The following CPVL variants were observed in gnomAD, a reference collection of about 807,000 sequenced individuals.
The protein encoded by CPVL is probable serine carboxypeptidase CPVL.
Under a neutral mutation model 63.7 loss-of-function variants are expected in CPVL, and 51 were observed. That is an observed-to-expected ratio of 0.80 (90% CI 0.64 to 1.01). The LOEUF (loss-of-function observed/expected upper bound fraction) is 1.01. CPVL is among the 50% of genes least tolerant of loss of function. The pLI is 0.00. For synonymous variants in CPVL, 195 were observed against 206.0 expected, an observed-to-expected ratio of 0.95 and a Z score of 0.46; for missense variants, 530 against 573.1, an observed-to-expected ratio of 0.92 and a Z score of 0.77.
At chr7:29,032,601 A>C (rs1299221428) in intron 11 of CPVL, among the ~76,000 whole-genome samples, 1 of 152,224 alleles carries the variant, frequency 6.6e-6, no homozygotes, top group Non-Finnish European at 1.5e-5. Context: ...TTACTTCACC[A>C]TTCTACGAAG....
intron 4 of CPVL, 121 bp from the exon 5 acceptor site, chr7:29,095,263 C>T: frequency 2.6e-6 from 2 of 755,746 alleles, no homozygotes; most frequent in Non-Finnish European, 4.8e-6. Context: ...TACCCTCTAA[C>T]AGTGCTGCAC....
chr7:29,033,736 G>T (rs140005198), intron 11 of CPVL, among the ~76,000 whole-genome samples: 1 of 152,192 alleles, frequency 6.6e-6, no homozygotes, highest in African/African-American at 2.4e-5. Context: ...GGTCTCCAGC[G>T]ACGTACTAGG....
intron 1 of CPVL, among the ~76,000 whole-genome samples, chr7:29,188,636 C>T (rs1321635189): frequency 6.6e-6 from 1 of 151,892 alleles, no homozygotes; most frequent in African/African-American, 2.4e-5. Context: ...GGAGTGAAGG[C>T]AGAGGACATT....
intron 1 of CPVL, chr7:29,193,674 G>A (rs1397386416): frequency 2.0e-5 from 3 of 152,154 alleles, no homozygotes; most frequent in Non-Finnish European, 4.4e-5. Context: ...TTAAATACAG[G>A]GGGAAGGGAC....
intron 1 of CPVL, among the ~76,000 whole-genome samples, chr7:29,129,224 G>A (rs1485769192): frequency 6.6e-6 from 1 of 152,104 alleles, no homozygotes; most frequent in Non-Finnish European, 1.5e-5. Flanking sequence ...AATGAGAAAT[G>A]GTCAGCTACA....
chr7:29,049,865 A>G (rs1385583635), intron 11 of CPVL, among the ~76,000 whole-genome samples: 1 of 152,184 alleles, frequency 6.6e-6, no homozygotes, highest in Non-Finnish European at 1.5e-5. Context: ...GGTTTAACAT[A>G]CACAAATCAA....
intron 11 of CPVL, among the ~76,000 whole-genome samples, chr7:29,040,918 G>A (rs184814120): frequency 9.0e-4 from 137 of 152,124 alleles, no homozygotes; most frequent in Non-Finnish European, 1.5e-3. Flanking sequence ...ATGATCTTTG[G>A]AAAAAAGCTC....
chr7:29,149,645 C>T (rs896419294), upstream of CPVL, among the ~76,000 whole-genome samples: 1 of 152,148 alleles, frequency 6.6e-6, no homozygotes, highest in African/African-American at 2.4e-5. Context: ...GTTCTGGAGG[C>T]TACAAGTCTG....
intron 3 of CPVL, among the ~76,000 whole-genome samples, chr7:29,097,212 G>A (rs530143687): frequency 2.0e-5 from 3 of 149,918 alleles, no homozygotes; most frequent in South Asian, 2.1e-4. Flanking sequence ...GCTACTGGCC[G>A]TAGTGTCAAT....
Position 29,120,945 on chromosome 7 carries a change from T to C in CPVL, c.117A>G (p.Ser39=), listed in dbSNP as rs1308346822. ...RSVSMPPKGD[S]GQPLFLTPYI... Reference sequence around the variant, plus strand: ...AAGGGGTGAGAAATAATGGCTGTCCTGAGTCTCCCTTAGGTGGCATGGAAA... The same window carrying C: ...AAGGGGTGAGAAATAATGGCTGTCCCGAGTCTCCCTTAGGTGGCATGGAAA... The change falls in exon 2 of 13, where the codon TCA becomes TCG. Residue 39 remains serine, a synonymous_variant. Coordinates refer to ENST00000265394, the MANE Select transcript of CPVL (RefSeq NM_031311.5). 3 of 1,613,974 alleles carry C rather than the reference T, an allele frequency of 1.9e-6. No homozygotes were observed. Among genetic ancestry groups the C allele is most frequent in the Middle Eastern group, 1.6e-4 (1 of 6,062 alleles).
chr7:29,164,607 C>G (rs1795648745), intron 5 of CPVL, among the ~76,000 whole-genome samples: 1 of 151,612 alleles, frequency 6.6e-6, no homozygotes, highest in Non-Finnish European at 1.5e-5. Flanking sequence ...ATGGCAAAAC[C>G]CCATCTCTAC....
At chr7:29,185,174 T>C (rs1160698517) in intron 3 of CPVL, among the ~76,000 whole-genome samples, 2 of 152,214 alleles carry the variant, frequency 1.3e-5, no homozygotes, top group Non-Finnish European at 2.9e-5. Flanking sequence ...GAAAATCCCA[T>C]TTCTAATCTT....
intron 1 of CPVL, among the ~76,000 whole-genome samples, chr7:29,143,199 T>A (rs926615513): frequency 6.6e-6 from 1 of 152,262 alleles, no homozygotes; most frequent in Non-Finnish European, 1.5e-5. Context: ...CAAAGTTACA[T>A]GATTCCTTCA....
chr7:29,119,406 G>C (rs1053932339), intron 2 of CPVL, among the ~76,000 whole-genome samples: 1 of 148,126 alleles, frequency 6.8e-6, no homozygotes, highest in Non-Finnish European at 1.5e-5. Flanking sequence ...AGAATCGCTT[G>C]AACGCAGGAG....
At chr7:29,130,676 A>C (rs1208202695) in intron 1 of CPVL, among the ~76,000 whole-genome samples, 1 of 152,194 alleles carries the variant, frequency 6.6e-6, no homozygotes, top group Admixed American at 6.5e-5. Context: ...CTGGAATCTG[A>C]AGCCATATCT....
chr7:29,133,774 ATT>A (rs779866486), intron 1 of CPVL, among the ~76,000 whole-genome samples: 2 of 152,340 alleles, frequency 1.3e-5, no homozygotes, highest in East Asian at 3.9e-4. Flanking sequence ...GGCAGATCAA[ATT>A]TTTGTTGTTA....
intron 6 of CPVL, among the ~76,000 whole-genome samples, chr7:29,087,423 CAAAA>C (rs56726137): frequency 1.4e-5 from 1 of 71,398 alleles, no homozygotes. Flanking sequence ...GACTCTGTCT[CAAAA>C]AAAAAAAAAA....
chr7:29,044,164 C>T (rs1420741198), intron 11 of CPVL, among the ~76,000 whole-genome samples: 3 of 152,134 alleles, frequency 2.0e-5, no homozygotes, highest in Non-Finnish European at 4.4e-5. Context: ...CCTCTAGTCC[C>T]AGCAGTTTGG....
intron 12 of CPVL, among the ~76,000 whole-genome samples, chr7:29,027,449 A>G (rs1787606945): frequency 6.6e-6 from 1 of 152,194 alleles, no homozygotes; most frequent in African/African-American, 2.4e-5. Context: ...CACCACTCCT[A>G]TTCAACATAG....
Sources: allele counts gnomAD v4.1 joint callset (sites outside exome capture counted in the v4.1 genomes callset), GRCh38; gene constraint gnomAD v4.1.1; transcripts MANE v1.5; gene names NCBI Gene and HGNC (gene_info 2026-07-23, HGNC 2026-07-21).